CACNG4: variants seen among roughly 807,000 people sequenced by gnomAD.
CACNG4 encodes the protein calcium voltage-gated channel auxiliary subunit gamma 4, also known as voltage-dependent calcium channel gamma-4 subunit.
Under a neutral mutation model 22.9 loss-of-function variants are expected in CACNG4, and 8 were observed. The ratio of observed to expected loss-of-function variants is 0.35; its 90% CI spans 0.21 to 0.63. The LOEUF (loss-of-function observed/expected upper bound fraction) is 0.63. CACNG4 is among the 30% of genes least tolerant of loss of function. The pLI, the probability that CACNG4 is intolerant of heterozygous loss-of-function variation, is 0.72. For missense variants in CACNG4, 357 were observed against 455.4 expected, an observed-to-expected ratio of 0.78 and a Z score of 1.97; for synonymous variants, 188 against 191.9, an observed-to-expected ratio of 0.98 and a Z score of 0.17.
At chr17:67,018,333 G>T (rs56107700) in intron 2 of CACNG4, 61 bp downstream of exon 2, 5 of 1,310,296 alleles carry the variant, frequency 3.8e-6, no homozygotes, top group Non-Finnish European at 5.5e-6. Context: ...GGGGAAGGCG[G>T]CCGGAGGAAA....
intron 3 of CACNG4, among the ~76,000 whole-genome samples, chr17:67,025,882 T>C (rs2108822): frequency 0.72 from 109,896 of 151,900 alleles, 40,757 homozygotes; most frequent in East Asian, 0.98. Flanking sequence ...GCAGCCGCCA[T>C]TGGGGAGCCA....
chr17:66,991,353 C>T (rs57092076), intron 1 of CACNG4, among the ~76,000 whole-genome samples: 3,418 of 152,204 alleles, frequency 0.022, 113 homozygotes, highest in African/African-American at 0.077. Flanking sequence ...AAAACACTTC[C>T]GAAAGACCTC....
intron 1 of CACNG4, among the ~76,000 whole-genome samples, chr17:66,978,429 G>T (rs560436973): frequency 6.6e-6 from 1 of 152,240 alleles, no homozygotes; most frequent in South Asian, 2.1e-4. Context: ...CAGAGGAAGG[G>T]GGGCTTCGGT....
At chr17:66,999,983 T>C (rs1298670967) in intron 1 of CACNG4, among the ~76,000 whole-genome samples, 1 of 152,134 alleles carries the variant, frequency 6.6e-6, no homozygotes, top group Non-Finnish European at 1.5e-5. Flanking sequence ...GGATGGTGGG[T>C]AATAGATGAA....
In CACNG4 at chr17:66,965,029, A is replaced by G. The variant is rs1357512435; in HGVS notation, c.118A>G (p.Ile40Val). ...CTACTGGCTGTACTCCAGCGCGCAC[A>G]TCTGCAACGGCACCAACCTGACCAT... ...TDYWLYSSAH[I>V]CNGTNLTMDD... The change falls in exon 1 of 4, where the codon ATC becomes GTC. Residue 40 changes from isoleucine (I) to valine (V), a missense_variant. Coordinates refer to ENST00000262138, the MANE Select transcript of CACNG4 (RefSeq NM_014405.4). The G allele has an allele frequency of 6.2e-7, 1 of 1,610,584 alleles. No homozygotes were observed. Among genetic ancestry groups the G allele is most frequent in the Non-Finnish European group, 8.5e-7 (1 of 1,179,086 alleles).
At chr17:67,023,240 C>CT (rs1387826683) in intron 2 of CACNG4, among the ~76,000 whole-genome samples, 1 of 137,554 alleles carries the variant, frequency 7.3e-6, no homozygotes, top group East Asian at 2.2e-4. Context: ...GCTTGAGATT[C>CT]TTAACTGAGT....
At chr17:67,004,536 CCCATGCTTAT>C (rs1312228038) in intron 1 of CACNG4, among the ~76,000 whole-genome samples, 1 of 152,128 alleles carries the variant, frequency 6.6e-6, no homozygotes, top group African/African-American at 2.4e-5. Flanking sequence ...CTCCAGGGAA[CCCATGCTTAT>C]TTTCGTGTCT....
intron 1 of CACNG4, among the ~76,000 whole-genome samples, chr17:67,014,624 A>G (rs1200255422): frequency 6.6e-6 from 1 of 151,480 alleles, no homozygotes; most frequent in Non-Finnish European, 1.5e-5. Flanking sequence ...GCCAGGGAGA[A>G]GGCACTTGAA....
intron 1 of CACNG4, among the ~76,000 whole-genome samples, chr17:66,968,248 A>G (rs2035182152): frequency 6.6e-6 from 1 of 152,186 alleles, no homozygotes; most frequent in Non-Finnish European, 1.5e-5. Flanking sequence ...CTGGGTTGCC[A>G]TTAAAAATAG....
At position 66,988,592 on chromosome 17, in the gene CACNG4, A is replaced by T. The variant is rs888777880; in HGVS notation, c.220+23461A>T. Reference sequence around the variant, plus strand: ...CCTCAGTAATGCATCCGGCCCTTGGATCTGTCACCAGTCGGTTGCAACAGA... The same window carrying T: ...CCTCAGTAATGCATCCGGCCCTTGGTTCTGTCACCAGTCGGTTGCAACAGA... On this transcript the variant is annotated intron_variant, in intron 1 of 3. Coordinates refer to ENST00000262138, the MANE Select transcript of CACNG4 (RefSeq NM_014405.4). 4.6e-5 allele frequency among the ~76,000 whole-genome samples: 7 copies of T among 151,868 alleles called. 1 individual carries two copies. The East Asian group carries it at 1.4e-3, about 29-fold the overall frequency.
Position 67,030,581 on chromosome 17 carries a change from T to A in CACNG4, c.561T>A (p.Phe187Leu), listed in dbSNP as rs772838264. 3 of 1,614,236 alleles carry A rather than the reference T, an allele frequency of 1.9e-6. No homozygotes were observed. In the Admixed American group the frequency reaches 5.0e-5, roughly 27 times the overall value. Reference sequence around the variant, plus strand: ...ACAACTACGGCTGGTCTTTTTACTTTGGAGCTCTGTCTTTCATTGTGGCTG... The same window carrying A: ...ACAACTACGGCTGGTCTTTTTACTTAGGAGCTCTGTCTTTCATTGTGGCTG... ...NHYNYGWSFY[F>L]GALSFIVAET... Residue 187 changes from phenylalanine (F) to leucine (L), a missense_variant, in exon 4 of 4, where the codon TTT becomes TTA. By Grantham distance (22) the Phe-to-Leu change is conservative (BLOSUM62 0). Transcript: ENST00000262138. This position sits in a 1 kb window ranked among gnomAD's most constrained non-coding sequence, Gnocchi z 6.4.
intron 3 of CACNG4, among the ~76,000 whole-genome samples, chr17:67,026,513 GTGTATT>G (rs994184326): frequency 7.7e-5 from 9 of 116,942 alleles, no homozygotes; most frequent in African/African-American, 2.1e-4. Context: ...GTGTATGTGT[GTGTATT>G]TGAGGACTGT....
chr17:67,002,238 T>C (rs1234424638), intron 1 of CACNG4, among the ~76,000 whole-genome samples: 1 of 152,166 alleles, frequency 6.6e-6, no homozygotes, highest in Non-Finnish European at 1.5e-5. Context: ...GGAATTGCTC[T>C]TTATAAAACC....
At chr17:67,010,145 C>T (rs1373673815) in intron 1 of CACNG4, among the ~76,000 whole-genome samples, 1 of 152,182 alleles carries the variant, frequency 6.6e-6, no homozygotes, top group Admixed American at 6.5e-5. Context: ...AAAATCCTAA[C>T]CTTGCTCCCC....
At chr17:67,028,533 A>C (rs960730491) in intron 3 of CACNG4, among the ~76,000 whole-genome samples, 1 of 151,882 alleles carries the variant, frequency 6.6e-6, no homozygotes, top group Non-Finnish European at 1.5e-5. Flanking sequence ...AGCCTGGGGG[A>C]CAGAGCGAGA....
intron 1 of CACNG4, among the ~76,000 whole-genome samples, chr17:66,979,483 A>T (rs369688989): frequency 2.2e-4 from 33 of 152,356 alleles, no homozygotes; most frequent in African/African-American, 7.9e-4. Context: ...ATCATCTGGT[A>T]CGAAACAGAT....
intron 1 of CACNG4, among the ~76,000 whole-genome samples, chr17:66,968,764 CTTCCTCTCTTCTCCA>C (rs1296379262): frequency 3.8e-5 from 5 of 131,410 alleles, no homozygotes; most frequent in South Asian, 2.9e-4. Context: ...CCTCCCTTCC[CTTCCTCTCTTCTCCA>C]TTCCTCTCTT....
chr17:67,001,393 T>G (rs907627102), intron 1 of CACNG4, among the ~76,000 whole-genome samples: 1 of 152,052 alleles, frequency 6.6e-6, no homozygotes, highest in Admixed American at 6.6e-5. Flanking sequence ...GGTTCTCTAA[T>G]TCAAGCCCCA....
chr17:67,028,672 A>T (rs2035583663), intron 3 of CACNG4, among the ~76,000 whole-genome samples: 1 of 152,190 alleles, frequency 6.6e-6, no homozygotes, highest in South Asian at 2.1e-4. Context: ...TTTAATCCTC[A>T]CACCAGCCCA....
Sources: gnomAD v4.1 joint callset for allele counts (sites outside exome capture counted in the v4.1 genomes callset) on GRCh38, gnomAD v4.1.1 for gene constraint, Gnocchi (gnomAD v3.1) non-coding constraint, MANE v1.5 for transcripts, NCBI Gene and HGNC (gene_info 2026-07-23, HGNC 2026-07-21) for gene names.